LRP1B: variants seen among roughly 807,000 people sequenced by gnomAD.
LRP1B encodes LDL receptor related protein 1B, also known as low-density lipoprotein receptor-related protein 1B.
Under a neutral mutation model 556.6 loss-of-function variants are expected in LRP1B, and 217 were observed. The ratio of observed to expected loss-of-function variants is 0.39; its 90% confidence interval spans 0.35 to 0.44. The LOEUF is 0.44. Among genes scored for constraint, LRP1B ranks in the 20% least tolerant of loss-of-function variants. The pLI, the probability that LRP1B is intolerant of heterozygous loss-of-function variation, is 1.00. For missense variants in LRP1B, 5,053 were observed against 5,620.8 expected, an observed-to-expected ratio of 0.90 and a Z score of 3.23; for synonymous variants, 2,047 against 1,865.8, an observed-to-expected ratio of 1.10 and a Z score of -2.50.
chr2:140,788,801 TG>T (rs1690002756), intron 32 of LRP1B, among the ~76,000 whole-genome samples: 1 of 152,170 alleles, frequency 6.6e-6, no homozygotes, highest in African/African-American at 2.4e-5. Context: ...TCAGTGTGAC[TG>T]TATTTGGAGA....
At chr2:141,605,838 G>A (rs1410237349) in intron 2 of LRP1B, among the ~76,000 whole-genome samples, 1 of 152,018 alleles carries the variant, frequency 6.6e-6, no homozygotes, top group African/African-American at 2.4e-5. Flanking sequence ...AATGTCAAAA[G>A]ATTGTCTGTT....
intron 2 of LRP1B, among the ~76,000 whole-genome samples, chr2:141,686,193 A>G (rs1467640771): frequency 6.6e-6 from 1 of 152,018 alleles, no homozygotes; most frequent in Non-Finnish European, 1.5e-5. Flanking sequence ...ACCCTAAACT[A>G]TGTTAACCAC....
intron 1 of LRP1B, among the ~76,000 whole-genome samples, chr2:141,838,448 A>G (rs568874949): frequency 6.6e-6 from 1 of 152,274 alleles, no homozygotes; most frequent in South Asian, 2.1e-4. Flanking sequence ...CCTCCCTCCC[A>G]TCATTCAACT....
chr2:141,201,817 T>C (rs1377553248), intron 6 of LRP1B, among the ~76,000 whole-genome samples: 1 of 152,172 alleles, frequency 6.6e-6, no homozygotes, highest in African/African-American at 2.4e-5. Context: ...ACTGATTCTG[T>C]AAATAAAAGG....
chr2:140,466,124 CTTTTTT>C (rs74381027), intron 60 of LRP1B, among the ~76,000 whole-genome samples: 8 of 125,718 alleles, frequency 6.4e-5, no homozygotes, highest in Non-Finnish European at 1.0e-4. Flanking sequence ...TTTCTTTTTT[CTTTTTT>C]TTTTTTTTTT....
chr2:140,950,226 A>G lies in LRP1B; in HGVS notation c.3136+9T>C. 1 of 1,543,240 alleles carries G rather than the reference A, an allele frequency of 6.5e-7. No individual in the cohort carries two copies. Among genetic ancestry groups the G allele is most frequent in the Non-Finnish European group, 8.7e-7 (1 of 1,145,556 alleles). On this transcript the variant is annotated intron_variant, in intron 20 of 90. Coordinates refer to ENST00000389484, the MANE Select transcript of LRP1B (RefSeq NM_018557.3). ...AAATGAGATTTCATTAATTTATAAA[A>G]TTACTAACCTTCTTTAGTACAATTG...
chr2:141,513,568 CA>C (rs1684203901), intron 2 of LRP1B, among the ~76,000 whole-genome samples: 1 of 152,002 alleles, frequency 6.6e-6, no homozygotes, highest in Admixed American at 6.6e-5. Context: ...TTAAAATTAG[CA>C]TTGAGTTTTA....
intron 86 of LRP1B, 133 bp downstream of exon 86, chr2:140,270,109 G>C: frequency 1.6e-6 from 1 of 642,778 alleles, no homozygotes; most frequent in South Asian, 1.9e-5. Flanking sequence ...GCTGATGAGG[G>C]ACAATACTTG....
At chr2:141,208,719 A>C (rs958195961) in intron 6 of LRP1B, among the ~76,000 whole-genome samples, 2 of 151,638 alleles carry the variant, frequency 1.3e-5, no homozygotes, top group East Asian at 3.9e-4. Flanking sequence ...AATACAAAAA[A>C]TTAGCTGGGC....
intron 7 of LRP1B, among the ~76,000 whole-genome samples, chr2:141,110,419 A>G (rs1343047650): frequency 6.6e-6 from 1 of 152,168 alleles, no homozygotes; most frequent in African/African-American, 2.4e-5. Context: ...TTAAACTGCC[A>G]AAGGACAGAT....
intron 2 of LRP1B, among the ~76,000 whole-genome samples, chr2:141,610,942 A>G (rs761911199): frequency 1.9e-4 from 29 of 152,208 alleles, no homozygotes; most frequent in Non-Finnish European, 3.7e-4. Flanking sequence ...GGTTAGCAGT[A>G]AGCTGCAGCA....
intron 31 of LRP1B, among the ~76,000 whole-genome samples, chr2:140,832,982 TC>T (rs1691769128): frequency 6.6e-6 from 1 of 152,314 alleles, no homozygotes; most frequent in East Asian, 1.9e-4. Flanking sequence ...TATCAAAATA[TC>T]ACAGGCATTC....
intron 3 of LRP1B, among the ~76,000 whole-genome samples, chr2:141,284,960 T>C (rs1338824838): frequency 1.3e-5 from 2 of 152,170 alleles, no homozygotes; most frequent in African/African-American, 4.8e-5. Context: ...TCCAAAAAAA[T>C]TTAAAACCAA....
intron 3 of LRP1B, among the ~76,000 whole-genome samples, chr2:141,456,904 C>T (rs534417268): frequency 6.6e-6 from 1 of 152,300 alleles, no homozygotes; most frequent in East Asian, 1.9e-4. Context: ...AAATAGGGAA[C>T]TTATGCTGTC....
chr2:141,571,259 G>A (rs1686518253), intron 2 of LRP1B, among the ~76,000 whole-genome samples: 1 of 150,904 alleles, frequency 6.6e-6, no homozygotes, highest in South Asian at 2.1e-4. Context: ...AGGCACAGGA[G>A]TGAATCAGAT....
intron 7 of LRP1B, among the ~76,000 whole-genome samples, chr2:141,090,197 C>T (rs10177853): frequency 0.022 from 3,393 of 152,146 alleles, 126 homozygotes; most frequent in African/African-American, 0.077. Flanking sequence ...CTCCTAAATT[C>T]ATATGTGGTT....
intron 11 of LRP1B, among the ~76,000 whole-genome samples, chr2:141,028,385 CA>C (rs1467502283): frequency 1.3e-4 from 20 of 148,576 alleles, no homozygotes; most frequent in African/African-American, 1.7e-4. Context: ...TAAAGCTGTG[CA>C]AAAAAAAATG....
chr2:141,003,195 T>C (rs551921398), intron 15 of LRP1B, among the ~76,000 whole-genome samples: 237 of 151,900 alleles, frequency 1.6e-3, no homozygotes, highest in Non-Finnish European at 2.8e-3. Context: ...AAATATCAAC[T>C]AAAAAGAAAA....
At chr2:141,119,920 T>C (rs1447033046) in intron 7 of LRP1B, among the ~76,000 whole-genome samples, 2 of 151,914 alleles carry the variant, frequency 1.3e-5, no homozygotes, top group Non-Finnish European at 2.9e-5. Context: ...AGATCCATAA[T>C]AATCATATGT....
Sources: allele counts gnomAD v4.1 joint callset (sites outside exome capture counted in the v4.1 genomes callset), GRCh38; gene constraint gnomAD v4.1.1; transcripts MANE v1.5; gene names NCBI Gene and HGNC (gene_info 2026-07-23, HGNC 2026-07-21).